BRD8: variants seen among roughly 807,000 people sequenced by gnomAD.
BRD8 encodes bromodomain containing 8.
A neutral mutation model predicts 143.1 loss-of-function variants in BRD8; 67 were observed. The ratio of observed to expected loss-of-function variants is 0.47; its 90% CI spans 0.38 to 0.57. The LOEUF is 0.57. Ranked by LOEUF, BRD8 falls within the 20% of genes least tolerant of loss-of-function variation. The probability of loss-of-function intolerance (pLI) is 0.00; values close to 1 mark genes in which losing one functional copy is unlikely to be tolerated. For missense variants in BRD8, 1,103 were observed against 1,503.0 expected (o/e 0.73, Z 4.40); for synonymous variants, 505 against 517.1 (o/e 0.98, Z 0.32).
chr5:138,154,384 C>A (rs1324321279), intron 20 of BRD8, among the ~76,000 whole-genome samples: 1 of 152,176 alleles, frequency 6.6e-6, no homozygotes, highest in Non-Finnish European at 1.5e-5. Flanking sequence ...GTTTGCTAGT[C>A]TCATTTATCA....
chr5:138,145,332 C>T (rs944964508), intron 24 of BRD8, 87 bp from the exon 25 acceptor site: 2 of 1,160,716 alleles, frequency 1.7e-6, no homozygotes, highest in African/African-American at 3.1e-5. Context: ...AGTAGACTTC[C>T]TTTAGGGGAA....
chr5:138,169,071 T>C lies in BRD8; in HGVS notation c.642+151A>G, dbSNP rs535140434. On this transcript the variant is annotated intron_variant, in intron 8 of 26. Transcript: ENST00000254900. ...CTCAATGCTTTTAGGTCCGTTCTTATCTCAGAGCACAGAACATGGTAAATT... is the reference window on the plus strand; with the variant it reads ...CTCAATGCTTTTAGGTCCGTTCTTACCTCAGAGCACAGAACATGGTAAATT... 1.8e-5 allele frequency: 15 copies of C among 839,822 alleles called. No individual in the cohort carries two copies. The Admixed American group carries it at 2.2e-4, about 12-fold the overall frequency. 52.0% of individuals were successfully genotyped at this position (839,822 alleles called of 1,614,324 possible).
chr5:138,147,451 T>C (rs893865330), intron 23 of BRD8, among the ~76,000 whole-genome samples: 2 of 151,874 alleles, frequency 1.3e-5, no homozygotes, highest in African/African-American at 4.8e-5. Flanking sequence ...CAGTTCATAC[T>C]ATATTCTCTC....
At chr5:138,171,243 A>G (rs1753842653) in intron 4 of BRD8, 83 bp from the exon 5 acceptor site, 1 of 1,437,500 alleles carries the variant, frequency 7.0e-7, no homozygotes, top group South Asian at 1.2e-5. Flanking sequence ...CCACTTAATC[A>G]TAGATAACTT....
chr5:138,155,765 G>C (rs1450850380), intron 20 of BRD8, among the ~76,000 whole-genome samples: 4 of 152,096 alleles, frequency 2.6e-5, no homozygotes, highest in South Asian at 4.1e-4. Flanking sequence ...GGGCTCAAGT[G>C]ATCTTCCTGT....
chr5:138,175,432 T>C (rs1290713445), intron 2 of BRD8, among the ~76,000 whole-genome samples: 1 of 151,860 alleles, frequency 6.6e-6, no homozygotes, highest in African/African-American at 2.4e-5. Flanking sequence ...TGATGATAGT[T>C]CTAGGCTGGG....
At chr5:138,142,687 C>T (rs199882281) in intron 25 of BRD8, among the ~76,000 whole-genome samples, 34 of 148,610 alleles carry the variant, frequency 2.3e-4, no homozygotes, top group African/African-American at 7.2e-4. Context: ...CACTTGAACC[C>T]GGGAGGCGGA....
rs1234087373 is a variant in BRD8, at chr5:138,161,002, A to C, written c.2316T>G (p.Phe772Leu). 6.2e-7 allele frequency: 1 copy of C among 1,614,026 alleles called. No homozygotes were observed. Among genetic ancestry groups the C allele is most frequent in the Non-Finnish European group, 8.5e-7 (1 of 1,179,998 alleles). ...GAAACATCAGCATAATGTCACGCTG[A>C]AATTCAGCTGTGCTTCGGATCAGTC... ...ENGLIRSTAEFQRDIMLMFQN... is the reference protein window; with the variant it reads ...ENGLIRSTAELQRDIMLMFQN... The change falls in exon 18 of 27, where the codon TTT (phenylalanine) becomes TTG (leucine). Residue 772 changes from phenylalanine (F) to leucine (L), a missense_variant. Around this residue, in one of 7 missense-constraint regions of BRD8, gnomAD observed 64 missense variants for 211.3 expected, o/e 0.30. Coordinates refer to ENST00000254900, the MANE Select transcript of BRD8 (RefSeq NM_139199.2).
chr5:138,165,192 G>A (rs564821656), intron 11 of BRD8, 26 bp from the exon 12 acceptor site: 1 of 1,602,212 alleles, frequency 6.2e-7, no homozygotes, highest in East Asian at 2.2e-5. Flanking sequence ...CAAGACTATT[G>A]AGGTCACAGA....
At chr5:138,156,765 C>A in intron 20 of BRD8, 1 of 896,952 alleles carries the variant, frequency 1.1e-6, no homozygotes, top group Non-Finnish European at 1.3e-6. Flanking sequence ...TAAGACTTTT[C>A]CCCTGTAACA....
In BRD8 at chr5:138,164,924, C is replaced by A; in HGVS notation, c.1521G>T (p.Glu507Asp). 1 of 1,614,196 alleles carries A rather than the reference C, an allele frequency of 6.2e-7. No homozygotes were observed. The highest frequency in any genetic ancestry group is 8.5e-7 in the Non-Finnish European group (1 of 1,180,036). Residue 507 changes from glutamate to aspartate, a missense_variant, in exon 12 of 27, where the codon GAG (glutamate) becomes GAT (aspartate). By Grantham distance (45) the Glu-to-Asp change is conservative. This residue lies in a region of BRD8 where 139 missense variants were observed against 139.0 expected (regional missense o/e 1.00). Transcript: ENST00000254900. ...ELVDIREPSA[E>D]IKVEPAEPEP... The stretch of plus-strand genomic sequence containing the variant: ...CTGGTTCTGCAGGTTCCACCTTGAT[C>A]TCTGCACTGGGCTCCCTGATGTCCA...
chr5:138,178,628 T>C lies in BRD8; in HGVS notation c.-14A>G. The C allele has an allele frequency of 6.2e-7, 1 of 1,613,516 alleles. No homozygotes were observed. The highest frequency in any genetic ancestry group is 8.5e-7 in the Non-Finnish European group (1 of 1,179,622). ...TCCCGTCGCCATCTTGGCCCCGAAG[T>C]CTCCAACCCTGAGGAGAGACGGTCT... On this transcript the variant is annotated 5_prime_UTR_variant, in exon 1 of 27. Transcript: ENST00000254900.
intron 14 of BRD8, chr5:138,163,681 G>T: frequency 1.5e-6 from 2 of 1,326,406 alleles, no homozygotes; most frequent in Non-Finnish European, 2.0e-6. Context: ...TTTATTTTGT[G>T]TCTCATTTGA....
chr5:138,140,952 C>T, intron 25 of BRD8, 70 bp from the exon 26 acceptor site: 1 of 1,525,030 alleles, frequency 6.6e-7, no homozygotes, highest in Middle Eastern at 1.8e-4. Context: ...CTAACACGTT[C>T]TCTTGAAGAA....
At chr5:138,142,724 C>T (rs1241497881) in intron 25 of BRD8, among the ~76,000 whole-genome samples, 2 of 144,206 alleles carry the variant, frequency 1.4e-5, no homozygotes, top group South Asian at 2.2e-4. Flanking sequence ...GATCTCATCA[C>T]TGCACTCCAG....
chr5:138,145,841 A>C lies in BRD8; in HGVS notation c.3316T>G (p.Leu1106Val), dbSNP rs79921495. ...GGCAGGAGAGTCTTCTTAAATAGCA[A>C]ATGATCCTGAACAGGGTCATCCTGG... ...LSQDDPVQDH[L>V]LFKKTLLPVW... is the part of the protein sequence containing the mutation. The change falls in exon 24 of 27, where the codon TTG (leucine) becomes GTG (valine). Residue 1106 changes from leucine to valine, a missense_variant. By Grantham distance (32) the Leu-to-Val change is conservative (BLOSUM62 1). Around this residue, in one of 7 missense-constraint regions of BRD8, gnomAD observed 369 missense variants for 445.5 expected, o/e 0.83. Coordinates refer to ENST00000254900, the MANE Select transcript of BRD8 (RefSeq NM_139199.2). 10,119 of 1,613,976 alleles carry C rather than the reference A, an allele frequency of 6.3e-3. 146 individuals are homozygous for C. The highest frequency in any genetic ancestry group is 0.054 in the African/African-American group (4,025 of 74,998).
chr5:138,175,034 C>T (rs548919202), intron 2 of BRD8, among the ~76,000 whole-genome samples: 2 of 152,154 alleles, frequency 1.3e-5, no homozygotes, highest in African/African-American at 2.4e-5. Context: ...GGACTACAGG[C>T]GCACGCCGCC....
chr5:138,140,720 G>A lies in BRD8; in HGVS notation c.3600C>T (p.Val1200=), dbSNP rs1378662861. ...YHMAVEMRQE[V]LEQIQVLNIW... Reference sequence around the variant, plus strand: ...CATACAGTACCTGAATCTGCTCCAGGACTTCTTGCCGCATCTCCACAGCCA... The same window carrying A: ...CATACAGTACCTGAATCTGCTCCAGAACTTCTTGCCGCATCTCCACAGCCA... The change falls in exon 26 of 27, where the codon GTC becomes GTT. Residue 1200 remains valine (V), a synonymous_variant. Transcript: ENST00000254900. The A allele has an allele frequency of 6.2e-7, 1 of 1,613,960 alleles. No homozygotes were observed. The highest frequency in any genetic ancestry group is 1.3e-5 in the African/African-American group (1 of 74,898).
Position 138,163,307 on chromosome 5 carries a change from C to T in BRD8, c.1910G>A (p.Ser637Asn). ...AGGCTCCTCTAGGCTGGCCGCTTCA[C>T]TGACACCATCTTCCTCCTCATCCTC... The part of the protein sequence containing the change: ...PGEDEEEDGV[S>N]EAASLEEPKE... Residue 637 changes from serine (S) to asparagine (N), a missense_variant, in exon 15 of 27, where the codon AGT becomes AAT. Physicochemically the swap from Ser to Asn is conservative, Grantham distance 46 (BLOSUM62 1). This residue lies in a region of BRD8 where 75 missense variants were observed against 111.7 expected (regional missense o/e 0.67). Coordinates refer to ENST00000254900, the MANE Select transcript of BRD8 (RefSeq NM_139199.2). 1 of 1,614,188 alleles carries T rather than the reference C, an allele frequency of 6.2e-7. No individual in the cohort carries two copies. Among genetic ancestry groups the T allele is most frequent in the South Asian group, 1.1e-5 (1 of 91,090 alleles).
Sources: gnomAD v4.1 joint callset for allele counts (sites outside exome capture counted in the v4.1 genomes callset) on GRCh38, gnomAD v4.1.1 for gene constraint, gnomAD v4.1.1 regional missense constraint, MANE v1.5 for transcripts, NCBI Gene and HGNC (gene_info 2026-07-23, HGNC 2026-07-21) for gene names.